KIAA0825: variants seen among roughly 807,000 people sequenced by gnomAD.
KIAA0825 encodes KIAA0825.
Under a neutral mutation model 147.6 loss-of-function variants are expected in KIAA0825, and 119 were observed. The ratio of observed to expected loss-of-function variants is 0.81; its 90% confidence interval spans 0.69 to 0.94. The LOEUF (loss-of-function observed/expected upper bound fraction) is 0.94. KIAA0825 is among the 40% of genes least tolerant of loss of function. The probability of loss-of-function intolerance (pLI) is 0.00; values close to 1 mark genes in which losing one functional copy is unlikely to be tolerated. For synonymous variants in KIAA0825, 470 were observed against 518.1 expected, an observed-to-expected ratio of 0.91 and a Z score of 1.26; for missense variants, 1,381 against 1,472.7, an observed-to-expected ratio of 0.94 and a Z score of 1.02.
At chr5:94,420,813 AGAAG>A (rs768543821) in intron 14 of KIAA0825, among the ~76,000 whole-genome samples, 4 of 152,176 alleles carry the variant, frequency 2.6e-5, no homozygotes, top group Non-Finnish European at 5.9e-5. Context: ...AAGGAAGAAA[AGAAG>A]GAAGGAAGGG....
intron 20 of KIAA0825, among the ~76,000 whole-genome samples, chr5:94,322,213 T>A (rs1780257751): frequency 6.6e-6 from 1 of 151,968 alleles, no homozygotes; most frequent in South Asian, 2.1e-4. Context: ...ATAATACAGA[T>A]GTACTAAGCC....
At chr5:94,362,669 T>C (rs911200016) in intron 20 of KIAA0825, among the ~76,000 whole-genome samples, 6 of 144,002 alleles carry the variant, frequency 4.2e-5, no homozygotes, top group African/African-American at 1.5e-4. Flanking sequence ...CACTGATTTT[T>C]TAGTCTATCT....
At chr5:94,461,363 TATGGTAA>T (rs1476877987) in intron 12 of KIAA0825, among the ~76,000 whole-genome samples, 1 of 151,966 alleles carries the variant, frequency 6.6e-6, no homozygotes, top group Non-Finnish European at 1.5e-5. Context: ...TTTTTTCATC[TATGGTAA>T]ATCAGTTTAG....
At chr5:94,381,894 C>T (rs1584322811) in intron 20 of KIAA0825, among the ~76,000 whole-genome samples, 2 of 152,128 alleles carry the variant, frequency 1.3e-5, no homozygotes, top group Non-Finnish European at 2.9e-5. Flanking sequence ...ATTATATGAA[C>T]GTTGAAGACA....
At chr5:94,205,845 T>A (rs1022383561) in intron 20 of KIAA0825, among the ~76,000 whole-genome samples, 1 of 152,170 alleles carries the variant, frequency 6.6e-6, no homozygotes, top group African/African-American at 2.4e-5. Flanking sequence ...GCCCATATAA[T>A]TTTATCCTTA....
At chr5:94,345,501 G>T (rs1416264825) in intron 20 of KIAA0825, among the ~76,000 whole-genome samples, 1 of 152,042 alleles carries the variant, frequency 6.6e-6, no homozygotes, top group East Asian at 1.9e-4. Context: ...TTGGCTATGT[G>T]TAAAGTGTGT....
intron 5 of KIAA0825, chr5:94,519,655 T>C (rs987799224): frequency 1.5e-6 from 1 of 649,370 alleles, no homozygotes; most frequent in East Asian, 1.4e-4. Context: ...AATTTTATAA[T>C]TATAGTATTT....
chr5:94,305,795 A>C (rs1314362063), intron 20 of KIAA0825, among the ~76,000 whole-genome samples: 1 of 151,964 alleles, frequency 6.6e-6, no homozygotes, highest in Non-Finnish European at 1.5e-5. Flanking sequence ...CTTATTTGTG[A>C]ATGTAAAAGG....
chr5:94,327,096 A>G, intron 20 of KIAA0825, among the ~76,000 whole-genome samples: 1 of 152,208 alleles, frequency 6.6e-6, no homozygotes, highest in East Asian at 1.9e-4. Context: ...TCTCACACTT[A>G]AGGAATACTA....
chr5:94,170,249 A>G (rs753923086), intron 20 of KIAA0825, among the ~76,000 whole-genome samples: 3 of 152,182 alleles, frequency 2.0e-5, no homozygotes, highest in South Asian at 2.1e-4. Context: ...CAGTGAGCCA[A>G]GATCACGCCA....
At chr5:94,454,706 G>A (rs1206829185) in intron 12 of KIAA0825, among the ~76,000 whole-genome samples, 1 of 152,080 alleles carries the variant, frequency 6.6e-6, no homozygotes, top group Non-Finnish European at 1.5e-5. Flanking sequence ...ATTAACACTA[G>A]CAGTTTTACA....
chr5:94,449,360 G>C (rs868013287), intron 13 of KIAA0825, among the ~76,000 whole-genome samples: 10 of 152,270 alleles, frequency 6.6e-5, no homozygotes, highest in Middle Eastern at 3.4e-3. Context: ...CACGTTAAAT[G>C]ATAGTAAAAT....
intron 20 of KIAA0825, among the ~76,000 whole-genome samples, chr5:94,262,926 C>T (rs1444252582): frequency 6.6e-6 from 1 of 152,108 alleles, no homozygotes; most frequent in Non-Finnish European, 1.5e-5. Flanking sequence ...TTCTCTACCT[C>T]CGCACCCTAG....
chr5:94,408,147 C>G (rs1326064390), intron 15 of KIAA0825, among the ~76,000 whole-genome samples: 1 of 152,036 alleles, frequency 6.6e-6, no homozygotes, highest in Admixed American at 6.6e-5. Context: ...TTGCCAACTT[C>G]TAGTTTAAGT....
chr5:94,282,294 GA>G (rs1176283293), intron 20 of KIAA0825, among the ~76,000 whole-genome samples: 2 of 151,824 alleles, frequency 1.3e-5, no homozygotes, highest in African/African-American at 4.8e-5. Flanking sequence ...ATTCCAGGTG[GA>G]TTTTTTTTAT....
At chr5:94,287,703 A>G (rs547664971) in intron 20 of KIAA0825, among the ~76,000 whole-genome samples, 17 of 152,322 alleles carry the variant, frequency 1.1e-4, no homozygotes, top group African/African-American at 3.8e-4. Context: ...ATCTTAATAA[A>G]TGAACTTGTG....
chr5:94,491,283 A>G (rs993110106), intron 5 of KIAA0825, among the ~76,000 whole-genome samples: 3 of 152,182 alleles, frequency 2.0e-5, no homozygotes, highest in African/African-American at 7.2e-5. Context: ...GAAATTTATG[A>G]CATAATACAA....
chr5:94,478,451 TCA>T (rs6149119), intron 6 of KIAA0825, among the ~76,000 whole-genome samples: 11,828 of 146,116 alleles, frequency 0.081, 575 homozygotes, highest in South Asian at 0.21. Context: ...CACATGTGCA[TCA>T]CACACACACA....
chr5:94,353,076 A>C (rs1218875197), intron 20 of KIAA0825, among the ~76,000 whole-genome samples: 1 of 152,190 alleles, frequency 6.6e-6, no homozygotes, highest in Non-Finnish European at 1.5e-5. Context: ...CTTATGGAAA[A>C]ATAAAAATAA....
Sources: gnomAD v4.1 joint callset for allele counts (sites outside exome capture counted in the v4.1 genomes callset) on GRCh38, gnomAD v4.1.1 for gene constraint, MANE v1.5 for transcripts, NCBI Gene and HGNC (gene_info 2026-07-23, HGNC 2026-07-21) for gene names.